ARHGDIB: variants seen among roughly 807,000 people sequenced by gnomAD.
ARHGDIB encodes rho GDP-dissociation inhibitor 2.
In ARHGDIB, 20 loss-of-function variants were observed where a neutral mutation model predicts 22.6. That is an observed-to-expected ratio of 0.88 (90% CI 0.62 to 1.28). ARHGDIB has a LOEUF of 1.28. Among genes scored for constraint, ARHGDIB ranks in the 50% most tolerant of loss-of-function variants. ARHGDIB has a pLI of 0.00. For synonymous variants in ARHGDIB, 114 were observed against 96.1 expected (o/e 1.19, Z -1.09); for missense variants, 254 against 245.4 (o/e 1.04, Z -0.23).
chr12:14,958,483 AGT>A (rs1469886904), intron 1 of ARHGDIB, among the ~76,000 whole-genome samples: 16 of 152,300 alleles, frequency 1.1e-4, no homozygotes, highest in African/African-American at 3.8e-4. Context: ...TGCATTTTTT[AGT>A]GTGTTTTTCT....
intron 1 of ARHGDIB, among the ~76,000 whole-genome samples, chr12:14,951,416 C>G (rs1864173721): frequency 1.3e-5 from 2 of 152,180 alleles, no homozygotes; most frequent in African/African-American, 4.8e-5. Context: ...GCACTTTATA[C>G]AATTTCCTTG....
intron 1 of ARHGDIB, among the ~76,000 whole-genome samples, chr12:14,952,990 C>T (rs563814720): frequency 6.6e-6 from 1 of 152,118 alleles, no homozygotes; most frequent in African/African-American, 2.4e-5. Context: ...AGAAAGAGAG[C>T]GAGAGAGGGA....
chr12:14,943,563 C>G (rs1365792649), intron 5 of ARHGDIB, among the ~76,000 whole-genome samples: 2 of 151,994 alleles, frequency 1.3e-5, no homozygotes, highest in Non-Finnish European at 2.9e-5. Flanking sequence ...CTTCTATCTA[C>G]AAACTGTCAT....
chr12:14,942,573 G>A lies in ARHGDIB; in HGVS notation c.555C>T (p.Asp185=), dbSNP rs760888228. 6.2e-7 allele frequency: 1 copy of A among 1,614,028 alleles called. No homozygotes were observed. The highest frequency in any genetic ancestry group is 1.3e-5 in the African/African-American group (1 of 74,906). The change falls in exon 6 of 6, where the codon GAC becomes GAT. Residue 185 remains aspartate, a synonymous_variant. Transcript: ENST00000228945. ...KSFFTDDDKQ[D]HLSWEWNLSI... The stretch of plus-strand genomic sequence containing the variant: ...ACAGGTTCCACTCCCAGCTGAGGTG[G>A]TCTTGCTTGTCATCGTCGGTGAAGA...
rs755576194 is a variant in ARHGDIB, at chr12:14,950,658, C to T, written c.55G>A (p.Asp19Asn). The change falls in exon 2 of 6, where the codon GAC (aspartate) becomes AAC (asparagine). Residue 19 changes from aspartate to asparagine, a missense_variant. Asp to Asn is a conservative substitution (Grantham distance 23, BLOSUM62 1). Coordinates refer to ENST00000228945, the MANE Select transcript of ARHGDIB (RefSeq NM_001175.7). ...HVEEDDDDEL[D>N]SKLNYKPPPQ... ...GGAGGCTTATAATTGAGCTTGCTGTCCAGCTCATCATCGTCATCCTCCTCC... is the reference window on the plus strand; with the variant it reads ...GGAGGCTTATAATTGAGCTTGCTGTTCAGCTCATCATCGTCATCCTCCTCC... 1 of 1,613,962 alleles carries T rather than the reference C, an allele frequency of 6.2e-7. No individual in the cohort carries two copies. Among genetic ancestry groups the T allele is most frequent in the Non-Finnish European group, 8.5e-7 (1 of 1,179,910 alleles).
chr12:14,945,322 G>A (rs2120681510), intron 4 of ARHGDIB, among the ~76,000 whole-genome samples: 1 of 152,344 alleles, frequency 6.6e-6, no homozygotes, highest in South Asian at 2.1e-4. Flanking sequence ...GGAGGAAAGT[G>A]AAAATTCATG....
chr12:14,942,754 G>A, intron 5 of ARHGDIB, 33 bp from the exon 6 acceptor site: 1 of 1,593,954 alleles, frequency 6.3e-7, no homozygotes, highest in African/African-American at 1.3e-5. Context: ...TAGGGTAAGA[G>A]CCTGATAGAG....
chr12:14,957,788 T>C (rs1864332210), intron 1 of ARHGDIB, among the ~76,000 whole-genome samples: 1 of 150,178 alleles, frequency 6.7e-6, no homozygotes, highest in South Asian at 2.1e-4. Flanking sequence ...ACACAGGCCA[T>C]GGATATTAAT....
At position 14,960,023 on chromosome 12, in the gene ARHGDIB, CCT is replaced by C. The variant is rs1449409998; in HGVS notation, c.-13+1512_-13+1513del. 3.9e-5 allele frequency among the ~76,000 whole-genome samples: 6 copies of C among 152,298 alleles called. No individual in the cohort carries two copies. The East Asian group carries it at 1.2e-3, about 29-fold the overall frequency. On this transcript the variant is annotated intron_variant, in intron 1 of 5. Coordinates refer to ENST00000228945, the MANE Select transcript of ARHGDIB (RefSeq NM_001175.7). ...CCTGCTAGGGACTGGACCTCTGCCC[CCT>C]GTCTCTCCGGACCAACAGGTGCCAT... is the stretch of plus-strand genomic sequence containing the variant.
chr12:14,943,374 C>G (rs1426025974), intron 5 of ARHGDIB, among the ~76,000 whole-genome samples: 1 of 141,624 alleles, frequency 7.1e-6, no homozygotes, highest in Non-Finnish European at 1.5e-5. Flanking sequence ...GGGGATTAAG[C>G]CTGTTTTTTT....
At chr12:14,956,358 G>C (rs1864301161) in intron 1 of ARHGDIB, 1 of 152,188 alleles carries the variant, frequency 6.6e-6, no homozygotes, top group African/African-American at 2.4e-5. Context: ...CGTGGCATGA[G>C]AGGATCTCTG....
At chr12:14,949,702 C>T (rs1864121131) in intron 3 of ARHGDIB, 100 bp downstream of exon 3, 2 of 1,041,202 alleles carry the variant, frequency 1.9e-6, no homozygotes, top group Non-Finnish European at 3.0e-6. Flanking sequence ...ATATATCTCT[C>T]TGATTCACCA....
chr12:14,953,438 C>G (rs1306163305), intron 1 of ARHGDIB, among the ~76,000 whole-genome samples: 2 of 152,098 alleles, frequency 1.3e-5, no homozygotes, highest in East Asian at 3.9e-4. Flanking sequence ...ATTTGGTGAG[C>G]ACCCACTGTT....
intron 1 of ARHGDIB, among the ~76,000 whole-genome samples, chr12:14,959,567 G>A (rs1420309596): frequency 6.6e-6 from 1 of 151,990 alleles, no homozygotes; most frequent in African/African-American, 2.4e-5. Context: ...GCATAATTTC[G>A]ACTCCCCAGG....
rs765241849 is a variant in ARHGDIB, at chr12:14,942,725, A to G, written c.407-4T>C. 12 of 1,613,318 alleles carry G rather than the reference A, an allele frequency of 7.4e-6. No homozygotes were observed. The South Asian group carries it at 1.2e-4, about 16-fold the overall frequency. On this transcript the variant is annotated splice_region_variant and splice_polypyrimidine_tract_variant and intron_variant, in intron 5 of 5. Transcript: ENST00000228945. ...ACCATAAATGTTGCTTTATCCACTA[A>G]GAAGAAAGAAGAGTTCATTAGGGTA...
intron 1 of ARHGDIB, 145 bp downstream of exon 1, chr12:14,961,392 A>C (rs1565467182): frequency 6.6e-6 from 1 of 151,918 alleles, no homozygotes; most frequent in African/African-American, 2.4e-5. Context: ...CTCCTTAGCA[A>C]TTTCTTATCA....
In ARHGDIB at chr12:14,942,300, C is replaced by T. The variant is rs1863881232; in HGVS notation, c.*222G>A. The T allele has an allele frequency of 3.5e-6, 2 of 567,708 alleles. No individual in the cohort carries two copies. The highest frequency in any genetic ancestry group is 3.7e-5 in the African/African-American group (2 of 53,356). 35.2% of individuals were successfully genotyped at this position (567,708 alleles called of 1,614,324 possible). Reference sequence around the variant, plus strand: ...TGAGATGGAGACGTGGAAGATCTGGCCCTGATGGAGGATCAGAGGGAGCAG... The same window carrying T: ...TGAGATGGAGACGTGGAAGATCTGGTCCTGATGGAGGATCAGAGGGAGCAG... On this transcript the variant is annotated 3_prime_UTR_variant, in exon 6 of 6. Coordinates refer to ENST00000228945, the MANE Select transcript of ARHGDIB (RefSeq NM_001175.7).
chr12:14,945,755 T>C (rs555056010), intron 4 of ARHGDIB, among the ~76,000 whole-genome samples: 1 of 152,346 alleles, frequency 6.6e-6, no homozygotes, highest in African/African-American at 2.4e-5. Context: ...TTTTGTTTTG[T>C]TGGCAGGGAG....
intron 1 of ARHGDIB, among the ~76,000 whole-genome samples, chr12:14,952,968 A>G (rs554460093): frequency 3.9e-5 from 6 of 152,114 alleles, no homozygotes; most frequent in Admixed American, 1.3e-4. Flanking sequence ...GAAAAGAGAA[A>G]GAGAGAGAAA....
Sources: allele counts gnomAD v4.1 joint callset (sites outside exome capture counted in the v4.1 genomes callset), GRCh38; gene constraint gnomAD v4.1.1; transcripts MANE v1.5; gene names NCBI Gene and HGNC (gene_info 2026-07-23, HGNC 2026-07-21).